The following TTC13 variants were observed in gnomAD, a reference collection of about 807,000 sequenced individuals.
TTC13 encodes the protein tetratricopeptide repeat domain 13, also known as tetratricopeptide repeat protein 13.
In TTC13, 62 loss-of-function variants were observed where a neutral mutation model predicts 120.0. The observed-to-expected ratio is 0.52, with a 90% CI of 0.42 to 0.64. The LOEUF is 0.64. TTC13 is among the 30% of genes least tolerant of loss of function. The pLI, the probability that TTC13 is intolerant of heterozygous loss-of-function variation, is 0.00. For missense variants in TTC13, 824 were observed against 1,050.2 expected, an observed-to-expected ratio of 0.78 and a Z score of 2.98; for synonymous variants, 384 against 393.5, an observed-to-expected ratio of 0.98 and a Z score of 0.28.
chr1:230,914,299 T>C (rs923853577), intron 18 of TTC13, among the ~76,000 whole-genome samples: 2 of 152,156 alleles, frequency 1.3e-5, no homozygotes. Flanking sequence ...CGTATCCTCC[T>C]CCTCAGCCTA....
At chr1:230,930,650 T>C (rs759682705) in intron 11 of TTC13, among the ~76,000 whole-genome samples, 2 of 152,226 alleles carry the variant, frequency 1.3e-5, no homozygotes, top group Non-Finnish European at 2.9e-5. Flanking sequence ...CTGGGCGTGG[T>C]GGCTCACGCC....
In TTC13 at chr1:230,978,796, A is replaced by AAGCAGC. The variant is rs577954914; in HGVS notation, c.29_34dup (p.Cys10_Cys11dup). On this transcript the variant is annotated inframe_insertion, in exon 1 of 23. Coordinates refer to ENST00000366661, the MANE Select transcript of TTC13 (RefSeq NM_024525.5). This position sits in a 1 kb window ranked among gnomAD's most constrained non-coding sequence, Gnocchi z 5.6. ...CGCGGCGGCCACAGCGCCGCCCCAGAAGCAGCAGCAGCAGCAGCAGCCGGC... is the reference window on the plus strand; with the variant it reads ...CGCGGCGGCCACAGCGCCGCCCCAGAAGCAGCAGCAGCAGCAGCAGCAGCAGCCGGC... 3.7e-5 allele frequency: 55 copies of AAGCAGC among 1,495,878 alleles called. No homozygotes were observed. The highest frequency in any genetic ancestry group is 1.4e-4 in the Admixed American group (6 of 44,370). 92.7% of individuals were successfully genotyped at this position (1,495,878 alleles called of 1,614,324 possible).
At chr1:230,935,934 G>T (rs996465530) in intron 8 of TTC13, among the ~76,000 whole-genome samples, 5 of 152,148 alleles carry the variant, frequency 3.3e-5, no homozygotes, top group Non-Finnish European at 5.9e-5. Context: ...TGGCTGCCTG[G>T]GTATGGGAGA....
intron 1 of TTC13, among the ~76,000 whole-genome samples, chr1:230,968,186 G>T (rs1180720550): frequency 1.6e-4 from 7 of 44,970 alleles, no homozygotes; most frequent in East Asian, 1.5e-3. Flanking sequence ...TATGGTGGTG[G>T]GGGGGGGGCC....
At chr1:230,958,819 T>C (rs1211755226) in intron 2 of TTC13, among the ~76,000 whole-genome samples, 1 of 152,128 alleles carries the variant, frequency 6.6e-6, no homozygotes, top group East Asian at 1.9e-4. Context: ...CAGTGAGACT[T>C]CATCTCTACT....
At chr1:230,920,351 T>C in intron 17 of TTC13, 159 bp downstream of exon 17, 1 of 489,402 alleles carries the variant, frequency 2.0e-6, no homozygotes, top group East Asian at 3.5e-5. Context: ...TCTGTTTGAG[T>C]CTGATGCCTG....
intron 20 of TTC13, among the ~76,000 whole-genome samples, chr1:230,909,779 G>A (rs563799970): frequency 6.6e-6 from 1 of 152,370 alleles, no homozygotes; most frequent in Admixed American, 6.5e-5. Context: ...CTCCAAGGTG[G>A]CTGTTAGAGG....
At chr1:230,946,318 C>G (rs1026986400) in intron 4 of TTC13, among the ~76,000 whole-genome samples, 4 of 152,194 alleles carry the variant, frequency 2.6e-5, no homozygotes, top group African/African-American at 9.7e-5. Context: ...GAAAGAAACT[C>G]TGCAAAAACT....
At chr1:230,977,118 A>C (rs1386112808) in intron 1 of TTC13, among the ~76,000 whole-genome samples, 2 of 152,152 alleles carry the variant, frequency 1.3e-5, no homozygotes, top group Non-Finnish European at 2.9e-5. Context: ...TGACAATTTC[A>C]CTATGTTTCA....
intron 1 of TTC13, among the ~76,000 whole-genome samples, chr1:230,966,384 T>C (rs1677129112): frequency 6.6e-6 from 1 of 152,198 alleles, no homozygotes; most frequent in Non-Finnish European, 1.5e-5. Flanking sequence ...AAATTGTAGA[T>C]TAATAGGAGA....
chr1:230,954,295 C>G lies in TTC13; in HGVS notation c.513+38G>C, dbSNP rs1257793598. 5 of 1,492,190 alleles carry G rather than the reference C, an allele frequency of 3.4e-6. No homozygotes were observed. In the African/African-American group the frequency reaches 6.9e-5, roughly 21 times the overall value. 92.4% of individuals were successfully genotyped at this position (1,492,190 alleles called of 1,614,324 possible). Reference sequence around the variant, plus strand: ...CATTAGTCCATATTTTTGTCATGACCATAAACTCAAAATTACATAAATAAG... The same window carrying G: ...CATTAGTCCATATTTTTGTCATGACGATAAACTCAAAATTACATAAATAAG... On this transcript the variant is annotated intron_variant, in intron 4 of 22. Coordinates refer to ENST00000366661, the MANE Select transcript of TTC13 (RefSeq NM_024525.5).
rs1674896208 is a variant in TTC13 at position 230,945,433 on chromosome 1, C to T, written c.535G>A (p.Ala179Thr). The change falls in exon 5 of 23, where the codon GCA becomes ACA. Residue 179 changes from alanine to threonine, a missense_variant. Ala to Thr is a moderately conservative substitution (Grantham distance 58). Around this residue, in one of 4 missense-constraint regions of TTC13, gnomAD observed 430 missense variants for 626.8 expected, o/e 0.69. Transcript: ENST00000366661. ...MLQEEPDLVSAIYGRGIAYGK... is the reference protein window; with the variant it reads ...MLQEEPDLVSTIYGRGIAYGK... ...TAGGCTATCCCTCGGCCATAAATTG[C>T]ACTAACCAGATCAGGCTCCTCCTAG... 6.2e-7 allele frequency: 1 copy of T among 1,614,112 alleles called. No individual in the cohort carries two copies. The highest frequency in any genetic ancestry group is 8.5e-7 in the Non-Finnish European group (1 of 1,179,980).
At chr1:230,910,673 G>A (rs9431892) in intron 20 of TTC13, among the ~76,000 whole-genome samples, 19,617 of 152,216 alleles carry the variant, frequency 0.13, 1,316 homozygotes, top group Middle Eastern at 0.16. Context: ...GCCCACAAGC[G>A]GTGATGTGCA....
intron 9 of TTC13, 134 bp downstream of exon 9, chr1:230,933,645 T>C (rs929172885): frequency 6.0e-6 from 3 of 496,582 alleles, no homozygotes; most frequent in African/African-American, 2.0e-5. Context: ...AACAAGTCTA[T>C]ACATACTTGC....
intron 4 of TTC13, among the ~76,000 whole-genome samples, chr1:230,948,242 T>C (rs1245911001): frequency 6.6e-6 from 1 of 151,972 alleles, no homozygotes; most frequent in Non-Finnish European, 1.5e-5. Flanking sequence ...TATACACACA[T>C]GTATCAGAAA....
intron 17 of TTC13, among the ~76,000 whole-genome samples, chr1:230,918,242 A>G (rs1672232615): frequency 6.6e-6 from 1 of 152,234 alleles, no homozygotes; most frequent in Non-Finnish European, 1.5e-5. Context: ...TAAGGAGTCT[A>G]CTATATATAG....
intron 1 of TTC13, among the ~76,000 whole-genome samples, chr1:230,967,231 C>T (rs1023706177): frequency 6.6e-6 from 1 of 151,718 alleles, no homozygotes; most frequent in Non-Finnish European, 1.5e-5. Context: ...TAACAGGCAC[C>T]CCTGCTTATT....
chr1:230,945,509 A>C (rs1000957610), intron 4 of TTC13, 55 bp from the exon 5 acceptor site: 37 of 1,536,230 alleles, frequency 2.4e-5, no homozygotes, highest in Middle Eastern at 1.7e-4. Context: ...CAAAACAAAA[A>C]ATCAGTTTCT....
chr1:230,911,791 CAT>C (rs1305084405), intron 19 of TTC13, among the ~76,000 whole-genome samples: 1 of 152,098 alleles, frequency 6.6e-6, no homozygotes, highest in Non-Finnish European at 1.5e-5. Flanking sequence ...CTTGGATAAA[CAT>C]AAAAATCTCA....
Sources: allele counts gnomAD v4.1 joint callset (sites outside exome capture counted in the v4.1 genomes callset), GRCh38; gene constraint gnomAD v4.1.1; regional missense constraint gnomAD v4.1.1; non-coding constraint Gnocchi (gnomAD v3.1); transcripts MANE v1.5; gene names NCBI Gene and HGNC (gene_info 2026-07-23, HGNC 2026-07-21).